The following SYK variants were observed in gnomAD, a reference collection of about 807,000 sequenced individuals.
SYK encodes spleen associated tyrosine kinase.
SYK carries 16 observed loss-of-function variants against 77.8 expected under a neutral mutation model. The observed-to-expected ratio is 0.21, with a 90% confidence interval of 0.14 to 0.31. The LOEUF is 0.31. SYK is among the 10% of genes least tolerant of loss of function. The probability of loss-of-function intolerance (pLI) is 1.00; values close to 1 mark genes in which losing one functional copy is unlikely to be tolerated. For synonymous variants in SYK, 312 were observed against 308.7 expected (o/e 1.01, Z -0.11); for missense variants, 529 against 814.4 (o/e 0.65, Z 4.26).
At chr9:90,841,350 T>G (rs1217624292) in intron 1 of SYK, among the ~76,000 whole-genome samples, 1 of 87,782 alleles carries the variant, frequency 1.1e-5, no homozygotes, top group Non-Finnish European at 2.6e-5. Flanking sequence ...GTATGTAGTT[T>G]GTGTATACTG....
intron 7 of SYK, among the ~76,000 whole-genome samples, chr9:90,867,939 G>A (rs549890588): frequency 7.8e-4 from 118 of 152,054 alleles, no homozygotes; most frequent in African/African-American, 2.2e-3. Flanking sequence ...TTTATTATCA[G>A]TGGGGTAAAA....
At position 90,896,346 on chromosome 9, in the gene SYK, T is replaced by G. The variant is rs200250756; in HGVS notation, c.*746T>G. On this transcript the variant is annotated 3_prime_UTR_variant, in exon 14 of 14. Transcript: ENST00000375754. Reference sequence around the variant, plus strand: ...AAATCCTCTCTCCTGCAGACTGTCTTGAAGACCTGGTGACTGGTAAATAAA... The same window carrying G: ...AAATCCTCTCTCCTGCAGACTGTCTGGAAGACCTGGTGACTGGTAAATAAA... 3.0e-5 allele frequency: 7 copies of G among 233,172 alleles called. No homozygotes were observed. Among genetic ancestry groups the G allele is most frequent in the Non-Finnish European group, 5.1e-5 (6 of 118,050 alleles). The allele number at this position is 233,172 out of a possible 1,614,324, so 14.4% of individuals were successfully genotyped here. A position where few individuals can be genotyped will look rare whatever the true frequency, so the allele number is the denominator to read the frequency against.
chr9:90,865,095 G>C lies in SYK; in HGVS notation c.844G>C (p.Ala282Pro), dbSNP rs377620701. ...GRPQLPGSHPATWSAGGIISR... is the reference protein window; with the variant it reads ...GRPQLPGSHPPTWSAGGIISR... ...TCCACAACTTCCAGGTTCCCATCCTGCGGTAAGTGTCACTAGGAATACCAC... is the reference window on the plus strand; with the variant it reads ...TCCACAACTTCCAGGTTCCCATCCTCCGGTAAGTGTCACTAGGAATACCAC... Residue 282 changes from alanine (A) to proline (P), a missense_variant and splice_region_variant, in exon 6 of 14, where the codon GCG (alanine) becomes CCG (proline). Coordinates refer to ENST00000375754, the MANE Select transcript of SYK (RefSeq NM_003177.7). The C allele has an allele frequency of 8.7e-6, 14 of 1,613,838 alleles. No homozygotes were observed. In the African/African-American group the frequency reaches 1.7e-4, roughly 20 times the overall value.
chr9:90,884,342 CACAT>C (rs1216350622), intron 11 of SYK, among the ~76,000 whole-genome samples: 1 of 135,766 alleles, frequency 7.4e-6, no homozygotes, highest in Non-Finnish European at 1.6e-5. Flanking sequence ...TATATATACA[CACAT>C]ACACATACGT....
Position 90,884,770 on chromosome 9 carries a change from C to T in SYK, c.1582-2979C>T, listed in dbSNP as rs1481297064. ...ACATATACACATATGTGTACATGCA[C>T]ATATACACATGTGTACATGCACATA... On this transcript the variant is annotated intron_variant, in intron 11 of 13. Transcript: ENST00000375754. Among the ~76,000 whole-genome samples the T allele has an allele frequency of 6.5e-5, 2 of 30,960 alleles. 1 individual carries two copies. The highest frequency in any genetic ancestry group is 7.3e-4 in the Admixed American group (2 of 2,732). 20.3% of individuals were successfully genotyped at this position (30,960 alleles called of 152,430 possible).
Position 90,844,002 on chromosome 9 carries a change from G to A in SYK, c.104G>A (p.Ser35Asn), listed in dbSNP as rs1277403436. The change falls in exon 2 of 14, where the codon AGT becomes AAT. Residue 35 changes from serine (S) to asparagine (N), a missense_variant. This residue lies in a region of SYK where 321 missense variants were observed against 433.1 expected (regional missense o/e 0.74). Coordinates refer to ENST00000375754, the MANE Select transcript of SYK (RefSeq NM_003177.7). ...AEDYLVQGGM[S>N]DGLYLLRQSR... Reference sequence around the variant, plus strand: ...GATTACCTGGTCCAGGGGGGCATGAGTGATGGGCTTTATTTGCTGCGCCAG... The same window carrying A: ...GATTACCTGGTCCAGGGGGGCATGAATGATGGGCTTTATTTGCTGCGCCAG... 3.1e-6 allele frequency: 5 copies of A among 1,611,462 alleles called. No homozygotes were observed. In the South Asian group the frequency reaches 5.5e-5, roughly 18 times the overall value.
At chr9:90,806,299 T>C (rs1005661919) in intron 1 of SYK, among the ~76,000 whole-genome samples, 1 of 152,194 alleles carries the variant, frequency 6.6e-6, no homozygotes, top group Admixed American at 6.5e-5. Context: ...GAACCCTCCA[T>C]CTTCTTCTTG....
At chr9:90,826,852 C>G (rs1375738316) in intron 1 of SYK, among the ~76,000 whole-genome samples, 1 of 152,180 alleles carries the variant, frequency 6.6e-6, no homozygotes, top group Non-Finnish European at 1.5e-5. Flanking sequence ...GTTGCTAGCA[C>G]CATGAGCAGC....
Position 90,895,894 on chromosome 9 carries a change from C to G in SYK, c.*294C>G. 1 of 399,914 alleles carries G rather than the reference C, an allele frequency of 2.5e-6. No individual in the cohort carries two copies. The highest frequency in any genetic ancestry group is 4.7e-6 in the Non-Finnish European group (1 of 213,020). 24.8% of individuals were successfully genotyped at this position (399,914 alleles called of 1,614,324 possible). A position where few individuals can be genotyped will look rare whatever the true frequency, so the allele number is the denominator to read the frequency against. ...ATTTTTACGATCTGTTTCCAAATCC[C>G]TTTCATGTCTTTCCACTTCTCTGGG... On this transcript the variant is annotated 3_prime_UTR_variant, in exon 14 of 14. Coordinates refer to ENST00000375754, the MANE Select transcript of SYK (RefSeq NM_003177.7). This position sits in a 1 kb window ranked among gnomAD's most constrained non-coding sequence, Gnocchi z 4.4.
chr9:90,850,940 A>G lies in SYK; in HGVS notation c.578+5346A>G, dbSNP rs931578851. 2.6e-5 allele frequency among the ~76,000 whole-genome samples: 4 copies of G among 152,218 alleles called. 1 individual carries two copies. The highest frequency in any genetic ancestry group is 2.6e-4 in the Admixed American group (4 of 15,292). On this transcript the variant is annotated intron_variant, in intron 3 of 13. Coordinates refer to ENST00000375754, the MANE Select transcript of SYK (RefSeq NM_003177.7). ...AGTTCAAAATGCAGATGATGGAAGC[A>G]GATTACGTCTGGGAGATGCTGTCCA...
At chr9:90,882,755 AAC>A (rs1342737115) in intron 11 of SYK, among the ~76,000 whole-genome samples, 1 of 152,192 alleles carries the variant, frequency 6.6e-6, no homozygotes, top group Non-Finnish European at 1.5e-5. Context: ...TCTAAGAGAG[AAC>A]ACAGATGCAA....
chr9:90,893,677 A>T (rs1564129663), intron 13 of SYK, among the ~76,000 whole-genome samples: 1 of 152,232 alleles, frequency 6.6e-6, no homozygotes, highest in Admixed American at 6.5e-5. Flanking sequence ...CTTTATATAA[A>T]ATCACACACT....
chr9:90,876,766 C>A (rs777636646), intron 9 of SYK, among the ~76,000 whole-genome samples: 1 of 152,168 alleles, frequency 6.6e-6, no homozygotes, highest in Non-Finnish European at 1.5e-5. Flanking sequence ...CTCCATTTAC[C>A]AGGTCTTCTT....
At chr9:90,893,856 G>A (rs1331842388) in intron 13 of SYK, among the ~76,000 whole-genome samples, 1 of 152,200 alleles carries the variant, frequency 6.6e-6, no homozygotes, top group African/African-American at 2.4e-5. Context: ...ACAAGGAGCA[G>A]AGCAGAATCT....
At chr9:90,833,076 T>C (rs1244623893) in intron 1 of SYK, among the ~76,000 whole-genome samples, 1 of 152,222 alleles carries the variant, frequency 6.6e-6, no homozygotes, top group African/African-American at 2.4e-5. Flanking sequence ...ATGAGGCATC[T>C]GGTTTCCCCA....
At chr9:90,822,304 G>C (rs969766573) in intron 1 of SYK, among the ~76,000 whole-genome samples, 6 of 152,204 alleles carry the variant, frequency 3.9e-5, no homozygotes. Context: ...TAAGTCAGCA[G>C]ATTTTTCTTG....
chr9:90,879,009 A>C, intron 11 of SYK, 56 bp downstream of exon 11: 3 of 1,305,088 alleles, frequency 2.3e-6, no homozygotes, highest in African/African-American at 1.5e-5. Flanking sequence ...TGCAAGATAA[A>C]TGTACGTTTT....
intron 3 of SYK, among the ~76,000 whole-genome samples, chr9:90,855,024 A>ACAC (rs1311453944): frequency 6.6e-6 from 1 of 150,554 alleles, no homozygotes; most frequent in Non-Finnish European, 1.5e-5. Flanking sequence ...ACACACACAC[A>ACAC]CACACACACA....
At chr9:90,889,162 A>C (rs529691650) in intron 13 of SYK, among the ~76,000 whole-genome samples, 33 of 152,348 alleles carry the variant, frequency 2.2e-4, no homozygotes, top group African/African-American at 7.7e-4. Context: ...AGTGGATCCC[A>C]GGTGCTGTTA....
Sources: allele counts gnomAD v4.1 joint callset (sites outside exome capture counted in the v4.1 genomes callset), GRCh38; gene constraint gnomAD v4.1.1; regional missense constraint gnomAD v4.1.1; non-coding constraint Gnocchi (gnomAD v3.1); transcripts MANE v1.5; gene names NCBI Gene and HGNC (gene_info 2026-07-23, HGNC 2026-07-21).